Variants in SDK1 observed in about 807,000 individuals in gnomAD.
SDK1 encodes the protein protein sidekick-1.
SDK1 carries 157 observed loss-of-function variants against 245.5 expected under a neutral mutation model. The observed-to-expected ratio is 0.64, with a 90% CI of 0.56 to 0.73. The LOEUF (loss-of-function observed/expected upper bound fraction) is 0.73, where lower values mean the gene tolerates loss of function less well. SDK1 is among the 30% of genes least tolerant of loss of function. The probability of loss-of-function intolerance (pLI) is 0.00; values close to 1 mark genes in which losing one functional copy is unlikely to be tolerated. For missense variants in SDK1, 3,583 were observed against 3,002.3 expected, an observed-to-expected ratio of 1.19 and a Z score of -4.52; for synonymous variants, 1,647 against 1,278.5, an observed-to-expected ratio of 1.29 and a Z score of -6.15.
chr7:3,681,913 G>T (rs1784111176), intron 4 of SDK1, among the ~76,000 whole-genome samples: 1 of 152,180 alleles, frequency 6.6e-6, no homozygotes, highest in South Asian at 2.1e-4. Context: ...ATTTTGGAAA[G>T]ATTATACAGT....
At chr7:3,502,656 C>T (rs1042571518) in intron 1 of SDK1, among the ~76,000 whole-genome samples, 7 of 152,114 alleles carry the variant, frequency 4.6e-5, no homozygotes, top group Non-Finnish European at 7.4e-5. Context: ...TGTAAGTATA[C>T]ACTTATATTT....
chr7:3,698,867 A>G (rs576461334), intron 4 of SDK1, among the ~76,000 whole-genome samples: 3 of 152,212 alleles, frequency 2.0e-5, no homozygotes, highest in Non-Finnish European at 4.4e-5. Context: ...CTATCTCTAA[A>G]TGCCATCTCA....
intron 18 of SDK1, among the ~76,000 whole-genome samples, chr7:4,051,086 A>ATAC (rs1428539814): frequency 6.4e-5 from 9 of 140,550 alleles, no homozygotes; most frequent in African/African-American, 2.1e-4. Flanking sequence ...TATATATAGT[A>ATAC]TACTATATGT....
At chr7:3,818,797 C>T (rs767104416) in intron 4 of SDK1, among the ~76,000 whole-genome samples, 2 of 152,204 alleles carry the variant, frequency 1.3e-5, no homozygotes, top group Non-Finnish European at 2.9e-5. Flanking sequence ...CCACAATTAT[C>T]AGCTTCATGT....
rs549180681 is a variant in SDK1 at position 3,800,602 on chromosome 7, C to T, written c.714-20848C>T. Among the ~76,000 whole-genome samples the T allele has an allele frequency of 2.6e-5, 4 of 152,182 alleles. No homozygotes were observed. In the East Asian group the frequency reaches 5.8e-4, roughly 22 times the overall value. On this transcript the variant is annotated intron_variant, in intron 4 of 44. Coordinates refer to ENST00000404826, the MANE Select transcript of SDK1 (RefSeq NM_152744.4). ...AACCAGGATGGTCTTGATCTCCTGA[C>T]CTCATGATCCGCCCGCCTCAGCTTC...
intron 7 of SDK1, among the ~76,000 whole-genome samples, chr7:3,955,678 G>C (rs181933233): frequency 4.1e-4 from 63 of 152,350 alleles, no homozygotes; most frequent in African/African-American, 1.4e-3. Flanking sequence ...GGATCTTGCA[G>C]TGATCCCTAC....
intron 5 of SDK1, among the ~76,000 whole-genome samples, chr7:3,825,170 A>G (rs1779739322): frequency 6.6e-6 from 1 of 152,188 alleles, no homozygotes; most frequent in Non-Finnish European, 1.5e-5. Flanking sequence ...GCCTGAGAGT[A>G]GATGTGTCTT....
chr7:3,688,035 A>C (rs1399218141), intron 4 of SDK1, among the ~76,000 whole-genome samples: 1 of 152,196 alleles, frequency 6.6e-6, no homozygotes, highest in Non-Finnish European at 1.5e-5. Flanking sequence ...TCCAAGAGGA[A>C]ACTACTCTGG....
chr7:3,357,922 A>G (rs192237431), intron 1 of SDK1, among the ~76,000 whole-genome samples: 2 of 152,346 alleles, frequency 1.3e-5, no homozygotes, highest in Non-Finnish European at 2.9e-5. Context: ...AAAAATATAA[A>G]AAGTATAGAG....
At chr7:3,909,804 A>G (rs1334908155) in intron 5 of SDK1, among the ~76,000 whole-genome samples, 1 of 152,232 alleles carries the variant, frequency 6.6e-6, no homozygotes. Flanking sequence ...GTGCTTGCCT[A>G]AAGCGAGGCA....
intron 1 of SDK1, among the ~76,000 whole-genome samples, chr7:3,590,204 C>G (rs1780821090): frequency 6.6e-6 from 1 of 151,182 alleles, no homozygotes; most frequent in African/African-American, 2.4e-5. Context: ...TATGTTTCTT[C>G]AGTTTTCTGT....
intron 4 of SDK1, among the ~76,000 whole-genome samples, chr7:3,651,396 CTTG>C (rs572736230): frequency 7.2e-5 from 11 of 152,234 alleles, no homozygotes; most frequent in African/African-American, 1.4e-4. Flanking sequence ...AAGCAAACTT[CTTG>C]TTGTGAGAAA....
intron 1 of SDK1, among the ~76,000 whole-genome samples, chr7:3,303,778 A>G (rs184276829): frequency 1.3e-5 from 2 of 152,200 alleles, no homozygotes; most frequent in African/African-American, 2.4e-5. Context: ...TTGAAAATTC[A>G]TATTACAGAG....
At chr7:4,240,625 A>T (rs1158241004) in intron 42 of SDK1, among the ~76,000 whole-genome samples, 1 of 152,220 alleles carries the variant, frequency 6.6e-6, no homozygotes, top group East Asian at 1.9e-4. Flanking sequence ...CAACGCACTT[A>T]GCAAATACCT....
chr7:4,070,636 A>C (rs1780190592), intron 20 of SDK1, among the ~76,000 whole-genome samples: 1 of 151,952 alleles, frequency 6.6e-6, no homozygotes, highest in Non-Finnish European at 1.5e-5. Context: ...ATCTGTGCCA[A>C]CCAGATCCCC....
chr7:3,330,747 A>G (rs1780046802), intron 1 of SDK1, among the ~76,000 whole-genome samples: 1 of 150,112 alleles, frequency 6.7e-6, no homozygotes. Context: ...CCAAGGCAAG[A>G]AGACTGCTTG....
At chr7:4,101,390 ACCCG>A (rs1338123930) in intron 22 of SDK1, among the ~76,000 whole-genome samples, 1 of 151,552 alleles carries the variant, frequency 6.6e-6, no homozygotes. Flanking sequence ...CTCATGATCC[ACCCG>A]CCTTGGCCTC....
rs376815171 is a variant in SDK1, at chr7:3,348,587, C to T, written c.298+46703C>T. Among the ~76,000 whole-genome samples, 12 of 152,292 alleles carry T rather than the reference C, an allele frequency of 7.9e-5. 2 individuals carry two copies. The highest frequency in any genetic ancestry group is 2.6e-4 in the African/African-American group (11 of 41,558). ...AAGACGCAGGGCGGTGAAAACCTAC[C>T]TGTTGGGTACTATGCCCACTACCTG... On this transcript the variant is annotated intron_variant, in intron 1 of 44. Coordinates refer to ENST00000404826, the MANE Select transcript of SDK1 (RefSeq NM_152744.4).
intron 2 of SDK1, among the ~76,000 whole-genome samples, chr7:3,635,511 G>T (rs1488334913): frequency 1.3e-5 from 2 of 152,196 alleles, no homozygotes; most frequent in African/African-American, 2.4e-5. Context: ...CTTGGGAACT[G>T]AGCAAATACA....
Sources: gnomAD v4.1 joint callset for allele counts (sites outside exome capture counted in the v4.1 genomes callset) on GRCh38, gnomAD v4.1.1 for gene constraint, MANE v1.5 for transcripts, NCBI Gene and HGNC (gene_info 2026-07-23, HGNC 2026-07-21) for gene names.